The following PSTPIP2 variants were observed in gnomAD, a reference collection of about 807,000 sequenced individuals.
The protein encoded by PSTPIP2 is proline-serine-threonine phosphatase interacting protein 2.
PSTPIP2 carries 33 observed loss-of-function variants against 63.3 expected under a neutral mutation model. That is an observed-to-expected ratio of 0.52 (90% confidence interval 0.40 to 0.70). PSTPIP2 has a LOEUF of 0.70. Among genes scored for constraint, PSTPIP2 ranks in the 30% least tolerant of loss-of-function variants. PSTPIP2 has a pLI of 0.00. For synonymous variants in PSTPIP2, 125 were observed against 132.7 expected (o/e 0.94, Z 0.40); for missense variants, 312 against 400.7 (o/e 0.78, Z 1.89).
Position 46,011,185 on chromosome 18 carries a change from T to A in PSTPIP2, c.350A>T (p.Lys117Ile). The change falls in exon 5 of 15, where the codon AAA (lysine) becomes ATA (isoleucine). Residue 117 changes from lysine (K) to isoleucine (I), a missense_variant. Physicochemically the swap from Lys to Ile is moderately radical, Grantham distance 102. Coordinates refer to ENST00000409746, the MANE Select transcript of PSTPIP2 (RefSeq NM_024430.4). ...TAACACGTATGCAAATCCAACCTTT[T>A]TTCGTTGTAGTTTTTGCTTTTCCCT... ...EFREKQKLQRKKTELIMDAIH... is the reference protein window; with the variant it reads ...EFREKQKLQRIKTELIMDAIH... The A allele has an allele frequency of 6.2e-7, 1 of 1,612,496 alleles. No homozygotes were observed. Among genetic ancestry groups the A allele is most frequent in the South Asian group, 1.1e-5 (1 of 91,054 alleles).
intron 1 of PSTPIP2, among the ~76,000 whole-genome samples, chr18:46,046,488 C>A (rs1198337164): frequency 6.6e-6 from 1 of 152,232 alleles, no homozygotes; most frequent in African/African-American, 2.4e-5. Context: ...CAGTCCCACC[C>A]CAGCCCTGCT....
At chr18:46,035,300 A>G (rs1907926966) in intron 2 of PSTPIP2, among the ~76,000 whole-genome samples, 1 of 151,902 alleles carries the variant, frequency 6.6e-6, no homozygotes, top group Admixed American at 6.6e-5. Context: ...CATGCCTGTA[A>G]TCCCAGCTAC....
chr18:45,998,706 A>G (rs1192132452), intron 8 of PSTPIP2, 88 bp downstream of exon 8: 11 of 1,342,644 alleles, frequency 8.2e-6, no homozygotes, highest in Non-Finnish European at 1.0e-5. Context: ...TCTTTAAGGT[A>G]TATAAAACTC....
At chr18:46,065,154 A>G (rs1292419204) in intron 1 of PSTPIP2, among the ~76,000 whole-genome samples, 1 of 151,032 alleles carries the variant, frequency 6.6e-6, no homozygotes, top group African/African-American at 2.4e-5. Context: ...CAAAAAAAAA[A>G]AAAAAAAAAA....
At position 46,067,584 on chromosome 18, in the gene PSTPIP2, G is replaced by A. The variant is rs180742777; in HGVS notation, c.33+4572C>T. The stretch of plus-strand genomic sequence containing the variant: ...ACCTAACTTAGTGTGTAAACAAACC[G>A]TAACCTAACTAAGAGTATATTCTTG... On this transcript the variant is annotated intron_variant, in intron 1 of 14. Coordinates refer to ENST00000409746, the MANE Select transcript of PSTPIP2 (RefSeq NM_024430.4). 4.6e-5 allele frequency among the ~76,000 whole-genome samples: 7 copies of A among 151,540 alleles called. No individual in the cohort carries two copies. The East Asian group carries it at 5.8e-4, about 13-fold the overall frequency.
At chr18:46,003,398 G>A (rs1235327001) in intron 6 of PSTPIP2, among the ~76,000 whole-genome samples, 6 of 152,116 alleles carry the variant, frequency 3.9e-5, no homozygotes, top group Non-Finnish European at 8.8e-5. Flanking sequence ...AGCCTGGTGT[G>A]GTGGAAGTTT....
intron 4 of PSTPIP2, among the ~76,000 whole-genome samples, chr18:46,014,944 T>C (rs1159230189): frequency 1.3e-5 from 2 of 152,136 alleles, no homozygotes; most frequent in Admixed American, 6.5e-5. Context: ...GATGTTTTTC[T>C]AGGCAGACTG....
At chr18:46,048,754 T>C (rs1047597685) in intron 1 of PSTPIP2, among the ~76,000 whole-genome samples, 11 of 152,152 alleles carry the variant, frequency 7.2e-5, no homozygotes, top group Admixed American at 6.5e-4. Context: ...CTAAATGCCA[T>C]GTGGAATCCT....
chr18:46,039,872 A>G, intron 2 of PSTPIP2, 75 bp downstream of exon 2: 1 of 1,311,342 alleles, frequency 7.6e-7, no homozygotes, highest in Non-Finnish European at 1.1e-6. Flanking sequence ...ACAAATGAAA[A>G]AAAGGAAATT....
intron 8 of PSTPIP2, 148 bp downstream of exon 8, chr18:45,998,645 CT>C: frequency 1.5e-5 from 12 of 786,152 alleles, no homozygotes; most frequent in East Asian, 2.8e-5. Flanking sequence ...TCCTTCCTCC[CT>C]TTTTCCCTTC....
At chr18:46,059,076 G>C (rs991697722) in intron 1 of PSTPIP2, among the ~76,000 whole-genome samples, 5 of 146,780 alleles carry the variant, frequency 3.4e-5, no homozygotes, top group African/African-American at 7.6e-5. Context: ...TCCCTCTGTC[G>C]CCCAGGCTGG....
At chr18:46,009,393 C>CAAAAA (rs2051770698) in intron 5 of PSTPIP2, among the ~76,000 whole-genome samples, 9 of 12,390 alleles carry the variant, frequency 7.3e-4, no homozygotes, top group African/African-American at 9.4e-4. Context: ...AAAAAAAAAC[C>CAAAAA]TAGCTAAATA....
chr18:46,020,735 G>C (rs142925753), intron 3 of PSTPIP2, among the ~76,000 whole-genome samples: 1 of 152,234 alleles, frequency 6.6e-6, no homozygotes, highest in Non-Finnish European at 1.5e-5. Flanking sequence ...CCTAAACAGT[G>C]TTTCACTTCA....
intron 1 of PSTPIP2, among the ~76,000 whole-genome samples, chr18:46,059,700 G>A (rs1185058771): frequency 6.6e-6 from 1 of 152,060 alleles, no homozygotes; most frequent in East Asian, 1.9e-4. Flanking sequence ...TATTTTCCTA[G>A]TGACATATGA....
intron 2 of PSTPIP2, chr18:46,029,025 C>T (rs1341392831): frequency 1.2e-6 from 1 of 814,104 alleles, no homozygotes; most frequent in African/African-American, 1.7e-5. Flanking sequence ...GATTAGATAA[C>T]CTATATCACT....
At chr18:46,015,352 G>A (rs2051841661) in intron 4 of PSTPIP2, among the ~76,000 whole-genome samples, 2 of 152,154 alleles carry the variant, frequency 1.3e-5, no homozygotes, top group South Asian at 4.1e-4. Flanking sequence ...TGCAGGGGTG[G>A]CTCTGGGAGA....
intron 2 of PSTPIP2, chr18:46,029,325 G>T: frequency 1.3e-6 from 2 of 1,556,650 alleles, no homozygotes; most frequent in South Asian, 1.1e-5. Context: ...GAAGACCAAA[G>T]AACTGATTGG....
chr18:45,996,526 C>T (rs923266229), intron 9 of PSTPIP2, among the ~76,000 whole-genome samples: 3 of 152,072 alleles, frequency 2.0e-5, no homozygotes, highest in African/African-American at 2.4e-5. Flanking sequence ...GAAACTTAAG[C>T]AAGCTTCCAA....
chr18:46,043,128 G>A (rs905277637), intron 1 of PSTPIP2, among the ~76,000 whole-genome samples: 2 of 150,172 alleles, frequency 1.3e-5, no homozygotes, highest in Non-Finnish European at 3.0e-5. Flanking sequence ...GCTCATGCCT[G>A]TAATCCCAGC....
Sources: gnomAD v4.1 joint callset for allele counts (sites outside exome capture counted in the v4.1 genomes callset) on GRCh38, gnomAD v4.1.1 for gene constraint, MANE v1.5 for transcripts, NCBI Gene and HGNC (gene_info 2026-07-23, HGNC 2026-07-21) for gene names.